Variants in LHFPL2 observed in about 807,000 individuals in gnomAD.
LHFPL2 encodes the protein LHFPL tetraspan subfamily member 2 protein.
In LHFPL2, 7 loss-of-function variants were observed where a neutral mutation model predicts 17.5. The ratio of observed to expected loss-of-function variants is 0.40; its 90% CI spans 0.23 to 0.75. The LOEUF is 0.75. Among genes scored for constraint, LHFPL2 ranks in the 30% least tolerant of loss-of-function variants. The pLI is 0.37. For synonymous variants in LHFPL2, 134 were observed against 116.2 expected, an observed-to-expected ratio of 1.15 and a Z score of -0.99; for missense variants, 241 against 294.8, an observed-to-expected ratio of 0.82 and a Z score of 1.34.
chr5:78,594,553 T>G (rs1743762011), intron 2 of LHFPL2, among the ~76,000 whole-genome samples: 1 of 152,212 alleles, frequency 6.6e-6, no homozygotes, highest in Non-Finnish European at 1.5e-5. Flanking sequence ...TAATAGTGGC[T>G]ATAAGCTTAA....
chr5:78,510,535 G>A (rs1343077473), intron 3 of LHFPL2, 137 bp from the exon 4 acceptor site: 3 of 341,930 alleles, frequency 8.8e-6, no homozygotes, highest in South Asian at 4.8e-5. Context: ...CATGCCAGGC[G>A]GTTGTTGCAC....
intron 3 of LHFPL2, among the ~76,000 whole-genome samples, chr5:78,533,614 A>G (rs1755852201): frequency 6.6e-6 from 1 of 152,186 alleles, no homozygotes; most frequent in Non-Finnish European, 1.5e-5. Context: ...ATCTGGTCAG[A>G]GCACCCTTTT....
At chr5:78,495,898 A>C (rs1754590248) in intron 4 of LHFPL2, among the ~76,000 whole-genome samples, 1 of 152,130 alleles carries the variant, frequency 6.6e-6, no homozygotes, top group Non-Finnish European at 1.5e-5. Context: ...GGTGATAGTC[A>C]ACAATCTGGT....
chr5:78,531,487 A>T (rs1755783576), intron 3 of LHFPL2, among the ~76,000 whole-genome samples: 1 of 152,056 alleles, frequency 6.6e-6, no homozygotes, highest in South Asian at 2.1e-4. Context: ...TAGCATCAGC[A>T]TTCCTTTCTT....
At chr5:78,562,441 G>C (rs546772078) in intron 3 of LHFPL2, among the ~76,000 whole-genome samples, 1 of 152,152 alleles carries the variant, frequency 6.6e-6, no homozygotes, top group African/African-American at 2.4e-5. Context: ...CAGAAAGCAA[G>C]ATCACCAACA....
At chr5:78,556,464 GATAACTC>G (rs1488311838) in intron 3 of LHFPL2, among the ~76,000 whole-genome samples, 1 of 152,162 alleles carries the variant, frequency 6.6e-6, no homozygotes, top group East Asian at 1.9e-4. Context: ...CTTAAGAACT[GATAACTC>G]ATTCCTGATT....
chr5:78,515,652 G>A (rs942285434), intron 3 of LHFPL2, among the ~76,000 whole-genome samples: 40 of 152,230 alleles, frequency 2.6e-4, no homozygotes, highest in African/African-American at 7.7e-4. Flanking sequence ...TCTCCCAGAG[G>A]AGAATGACAG....
intron 2 of LHFPL2, among the ~76,000 whole-genome samples, chr5:78,566,944 A>G (rs193025783): frequency 6.6e-6 from 1 of 152,350 alleles, no homozygotes; most frequent in Admixed American, 6.5e-5. Context: ...GTTCTTGATC[A>G]ACATTTCCTT....
At chr5:78,594,435 C>A (rs948435864) in intron 2 of LHFPL2, among the ~76,000 whole-genome samples, 2 of 152,168 alleles carry the variant, frequency 1.3e-5, no homozygotes, top group African/African-American at 2.4e-5. Flanking sequence ...AAGTTTCTAG[C>A]ACATACATAA....
chr5:78,578,963 A>G (rs1224137402), intron 2 of LHFPL2, among the ~76,000 whole-genome samples: 4 of 152,214 alleles, frequency 2.6e-5, no homozygotes, highest in Non-Finnish European at 5.9e-5. Flanking sequence ...GTTACAATCC[A>G]GTGGCAGAGA....
intron 2 of LHFPL2, among the ~76,000 whole-genome samples, chr5:78,627,732 A>T (rs1367696153): frequency 6.6e-6 from 1 of 152,196 alleles, no homozygotes; most frequent in East Asian, 1.9e-4. Flanking sequence ...TCTGAACAGA[A>T]CTGCATTCAC....
intron 2 of LHFPL2, among the ~76,000 whole-genome samples, chr5:78,582,791 G>A (rs1016010121): frequency 3.3e-5 from 5 of 152,166 alleles, no homozygotes; most frequent in African/African-American, 1.2e-4. Flanking sequence ...CTCTGTAGAT[G>A]TCTATTATGT....
At chr5:78,523,871 C>G (rs889763736) in intron 3 of LHFPL2, among the ~76,000 whole-genome samples, 1 of 152,100 alleles carries the variant, frequency 6.6e-6, no homozygotes, top group Non-Finnish European at 1.5e-5. Context: ...AATAAACAGG[C>G]AGTTAGTACA....
At chr5:78,540,937 T>G (rs1211770579) in intron 3 of LHFPL2, among the ~76,000 whole-genome samples, 1 of 152,190 alleles carries the variant, frequency 6.6e-6, no homozygotes, top group Non-Finnish European at 1.5e-5. Flanking sequence ...GACTTACCTG[T>G]GTCCTTCACG....
intron 2 of LHFPL2, among the ~76,000 whole-genome samples, chr5:78,587,318 G>A (rs1186159257): frequency 2.0e-5 from 3 of 152,202 alleles, no homozygotes; most frequent in African/African-American, 4.8e-5. Context: ...TAGGACAAAT[G>A]ATGACAATGG....
At position 78,485,877 on chromosome 5, in the gene LHFPL2, C is replaced by G. The variant is rs1442307271; in HGVS notation, c.*3020G>C. 4.6e-5 allele frequency: 7 copies of G among 152,566 alleles called. No individual in the cohort carries two copies. The highest frequency in any genetic ancestry group is 2.0e-4 in the Admixed American group (3 of 15,272). 9.5% of individuals were successfully genotyped at this position (152,566 alleles called of 1,614,324 possible). A position where few individuals can be genotyped will look rare whatever the true frequency, so the allele number is the denominator to read the frequency against. ...AGACCCAGGAAAAAATGATTTCATA[C>G]CAGTCTTTTCTTCACATAAGATTTG... On this transcript the variant is annotated 3_prime_UTR_variant, in exon 5 of 5. Coordinates refer to ENST00000380345, the MANE Select transcript of LHFPL2 (RefSeq NM_005779.3).
chr5:78,510,064 G>T lies in LHFPL2; in HGVS notation c.150C>A (p.Gly50=), dbSNP rs202056268. 6.2e-7 allele frequency: 1 copy of T among 1,610,228 alleles called. No homozygotes were observed. Among genetic ancestry groups the T allele is most frequent in the Admixed American group, 1.7e-5 (1 of 59,658 alleles). Residue 50 remains glycine (G), a synonymous_variant, in exon 4 of 5, where the codon GGC becomes GGA. Coordinates refer to ENST00000380345, the MANE Select transcript of LHFPL2 (RefSeq NM_005779.3). The part of the protein sequence containing the change: ...SRGGVEPAGP[G]GGSPEPYHPT... ...GGTGGTAGGGCTCCGGGGAGCCCCCGCCCGGGCCCGCCGGCTCCACGCCGC... is the reference window on the plus strand; with the variant it reads ...GGTGGTAGGGCTCCGGGGAGCCCCCTCCCGGGCCCGCCGGCTCCACGCCGC...
intron 2 of LHFPL2, among the ~76,000 whole-genome samples, chr5:78,599,471 TTG>T (rs1395209870): frequency 1.6e-5 from 2 of 122,060 alleles, no homozygotes; most frequent in Non-Finnish European, 3.6e-5. Context: ...GGCTAATTTT[TTG>T]TATTTTTTTT....
chr5:78,572,008 C>T (rs576653358), intron 2 of LHFPL2, among the ~76,000 whole-genome samples: 91 of 152,218 alleles, frequency 6.0e-4, no homozygotes, highest in Admixed American at 1.0e-3. Context: ...GATGAATACA[C>T]GCGTGGGCAG....
Sources: allele counts gnomAD v4.1 joint callset (sites outside exome capture counted in the v4.1 genomes callset), GRCh38; gene constraint gnomAD v4.1.1; transcripts MANE v1.5; gene names NCBI Gene and HGNC (gene_info 2026-07-23, HGNC 2026-07-21).